Variants in SGCZ observed in about 807,000 individuals in gnomAD.
The protein encoded by SGCZ is zeta-sarcoglycan.
In SGCZ, 40 loss-of-function variants were observed where a neutral mutation model predicts 41.3. That is an observed-to-expected ratio of 0.97 (90% confidence interval 0.75 to 1.26). The LOEUF (loss-of-function observed/expected upper bound fraction) is 1.26. Among genes scored for constraint, SGCZ ranks in the 50% most tolerant of loss-of-function variants. The pLI is 0.00. For missense variants in SGCZ, 552 were observed against 369.8 expected, an observed-to-expected ratio of 1.49 and a Z score of -4.04; for synonymous variants, 206 against 137.5, an observed-to-expected ratio of 1.50 and a Z score of -3.49.
chr8:14,326,886 T>G (rs949620984), intron 2 of SGCZ, among the ~76,000 whole-genome samples: 4 of 152,172 alleles, frequency 2.6e-5, no homozygotes, highest in South Asian at 2.1e-4. Flanking sequence ...AGCACTGTAG[T>G]TATTTAAGAA....
At chr8:14,881,925 C>T (rs963754509) in intron 1 of SGCZ, among the ~76,000 whole-genome samples, 5 of 152,180 alleles carry the variant, frequency 3.3e-5, no homozygotes, top group African/African-American at 1.2e-4. Flanking sequence ...AAGAAACTCA[C>T]TCAAAACCAA....
intron 2 of SGCZ, among the ~76,000 whole-genome samples, chr8:14,494,551 C>T (rs185519027): frequency 1.4e-4 from 22 of 152,218 alleles, no homozygotes; most frequent in Admixed American, 3.3e-4. Context: ...CACACACACA[C>T]GCTCCTTACA....
At chr8:14,146,044 G>A (rs1434975579) in intron 5 of SGCZ, among the ~76,000 whole-genome samples, 3 of 152,126 alleles carry the variant, frequency 2.0e-5, no homozygotes, top group African/African-American at 7.2e-5. Context: ...CAATAACAGA[G>A]AAGTTCTCAA....
intron 1 of SGCZ, among the ~76,000 whole-genome samples, chr8:15,044,697 G>A (rs1005574838): frequency 1.3e-5 from 2 of 152,128 alleles, no homozygotes; most frequent in East Asian, 1.9e-4. Context: ...GCAAAACTTG[G>A]TAAGATGGAG....
chr8:15,051,065 G>C (rs1314778809), intron 1 of SGCZ, among the ~76,000 whole-genome samples: 2 of 152,112 alleles, frequency 1.3e-5, no homozygotes, highest in African/African-American at 2.4e-5. Flanking sequence ...TAATAGGTTT[G>C]ATAGTCATAG....
chr8:14,300,912 T>C (rs1801163521), intron 3 of SGCZ, among the ~76,000 whole-genome samples: 1 of 151,714 alleles, frequency 6.6e-6, no homozygotes, highest in Non-Finnish European at 1.5e-5. Flanking sequence ...CAAACAAGAG[T>C]AGATTTAGAA....
At chr8:15,081,617 A>G (rs1805751710) in intron 1 of SGCZ, among the ~76,000 whole-genome samples, 1 of 152,184 alleles carries the variant, frequency 6.6e-6, no homozygotes, top group Non-Finnish European at 1.5e-5. Context: ...GGAAGAATAA[A>G]CAAGTTTGAC....
At chr8:14,396,740 C>G (rs936522963) in intron 2 of SGCZ, among the ~76,000 whole-genome samples, 5 of 151,898 alleles carry the variant, frequency 3.3e-5, no homozygotes, top group African/African-American at 1.2e-4. Context: ...TATTTTTGAG[C>G]TCAGATGAAT....
At chr8:14,376,112 G>C (rs1310371900) in intron 2 of SGCZ, among the ~76,000 whole-genome samples, 4 of 152,112 alleles carry the variant, frequency 2.6e-5, no homozygotes, top group Non-Finnish European at 5.9e-5. Flanking sequence ...TGGAGTTCGA[G>C]ACCAGACTGG....
At chr8:14,490,443 T>C (rs1252437992) in intron 2 of SGCZ, among the ~76,000 whole-genome samples, 1 of 152,308 alleles carries the variant, frequency 6.6e-6, no homozygotes, top group South Asian at 2.1e-4. Context: ...ATTTTGAGTA[T>C]GATAAGTGTT....
At chr8:14,099,272 A>G (rs1223011331) in intron 7 of SGCZ, among the ~76,000 whole-genome samples, 1 of 152,190 alleles carries the variant, frequency 6.6e-6, no homozygotes, top group Non-Finnish European at 1.5e-5. Flanking sequence ...TGGCTCTTCA[A>G]TATTGTCTTA....
At chr8:15,076,754 A>ATTTT (rs35515934) in intron 1 of SGCZ, among the ~76,000 whole-genome samples, 7 of 133,574 alleles carry the variant, frequency 5.2e-5, no homozygotes, top group African/African-American at 1.9e-4. Flanking sequence ...AGTCTCTCTC[A>ATTTT]TTTTTTTTTT....
chr8:14,453,147 T>G (rs1032379302), intron 2 of SGCZ, among the ~76,000 whole-genome samples: 2 of 152,204 alleles, frequency 1.3e-5, no homozygotes, highest in African/African-American at 4.8e-5. Context: ...AAATATGTTA[T>G]ATACATTATA....
chr8:14,498,213 T>C (rs1161871876), intron 2 of SGCZ, among the ~76,000 whole-genome samples: 1 of 152,226 alleles, frequency 6.6e-6, no homozygotes, highest in Non-Finnish European at 1.5e-5. Context: ...GATAACTTTG[T>C]ATGCCAGCCT....
intron 4 of SGCZ, among the ~76,000 whole-genome samples, chr8:14,226,423 G>A (rs922514500): frequency 6.6e-6 from 1 of 151,888 alleles, no homozygotes; most frequent in Non-Finnish European, 1.5e-5. Context: ...TGTGAACTAC[G>A]CATGAATCTG....
chr8:15,184,554 C>A (rs1390734520), intron 1 of SGCZ, among the ~76,000 whole-genome samples: 1 of 151,634 alleles, frequency 6.6e-6, no homozygotes, highest in Admixed American at 6.6e-5. Context: ...AGACTGGTCC[C>A]GAAGGATTTC....
chr8:14,615,267 T>A (rs74383390), intron 1 of SGCZ, among the ~76,000 whole-genome samples: 157 of 152,290 alleles, frequency 1.0e-3, no homozygotes, highest in East Asian at 8.3e-3. Context: ...AAACTAAGAA[T>A]ATAGCAAACA....
intron 1 of SGCZ, chr8:14,690,631 C>T (rs1346359540): frequency 6.6e-6 from 1 of 152,104 alleles, no homozygotes; most frequent in Non-Finnish European, 1.5e-5. Flanking sequence ...TTTCTAGTCA[C>T]ACATTTAACC....
chr8:15,195,426 G>A (rs949771315), intron 1 of SGCZ, among the ~76,000 whole-genome samples: 2 of 152,168 alleles, frequency 1.3e-5, no homozygotes, highest in African/African-American at 4.8e-5. Context: ...GATGGCTTTT[G>A]TCTGTGGTCT....
Sources: allele counts gnomAD v4.1 joint callset (sites outside exome capture counted in the v4.1 genomes callset), GRCh38; gene constraint gnomAD v4.1.1; transcripts MANE v1.5; gene names NCBI Gene and HGNC (gene_info 2026-07-23, HGNC 2026-07-21).